SVIL: variants seen among roughly 807,000 people sequenced by gnomAD.
SVIL encodes supervillin.
A neutral mutation model predicts 240.4 loss-of-function variants in SVIL; 101 were observed. The observed-to-expected ratio is 0.42, with a 90% CI of 0.36 to 0.50. SVIL has a LOEUF of 0.50. SVIL is among the 20% of genes least tolerant of loss of function. The probability of loss-of-function intolerance (pLI) is 0.01; values close to 1 mark genes in which losing one functional copy is unlikely to be tolerated. For missense variants in SVIL, 2,512 were observed against 2,818.7 expected, an observed-to-expected ratio of 0.89 and a Z score of 2.46; for synonymous variants, 999 against 1,100.0, an observed-to-expected ratio of 0.91 and a Z score of 1.82.
chr10:29,592,736 G>A (rs1956437720), intron 1 of SVIL, among the ~76,000 whole-genome samples: 1 of 152,182 alleles, frequency 6.6e-6, no homozygotes, highest in South Asian at 2.1e-4. Context: ...GGTAAAAGAA[G>A]CCTAGCTGAT....
chr10:29,706,549 T>C (rs998066269), intron 1 of SVIL, among the ~76,000 whole-genome samples: 6 of 152,224 alleles, frequency 3.9e-5, no homozygotes, highest in African/African-American at 1.4e-4. Flanking sequence ...ATTTTGGATA[T>C]TAGACCTCTG....
In SVIL at chr10:29,481,794, C is replaced by T. The variant is rs1946885244; in HGVS notation, c.4956-66G>A. On this transcript the variant is annotated intron_variant, in intron 27 of 37. Coordinates refer to ENST00000355867, the MANE Select transcript of SVIL (RefSeq NM_021738.3). ...GAACCAAGATGAAGCCAAGCTTAAA[C>T]AAAGGAATCTAAAACACATGCGGCT... is the stretch of plus-strand genomic sequence containing the variant. The T allele has an allele frequency of 5.2e-6, 8 of 1,551,926 alleles. No individual in the cohort carries two copies. The South Asian group carries it at 9.5e-5, about 18-fold the overall frequency.
chr10:29,492,404 C>T (rs1588965355), intron 21 of SVIL, among the ~76,000 whole-genome samples: 1 of 152,002 alleles, frequency 6.6e-6, no homozygotes. Context: ...AGAGTGAGGC[C>T]AGCCCAAAGG....
chr10:29,693,407 C>T (rs990459659), intron 1 of SVIL, among the ~76,000 whole-genome samples: 1 of 152,270 alleles, frequency 6.6e-6, no homozygotes, highest in African/African-American at 2.4e-5. Flanking sequence ...TTCACAGGCA[C>T]GCATACATAG....
At chr10:29,619,857 G>A (rs932284274) in intron 1 of SVIL, among the ~76,000 whole-genome samples, 9 of 152,054 alleles carry the variant, frequency 5.9e-5, no homozygotes, top group Non-Finnish European at 1.3e-4. Context: ...TTTTTAAAAA[G>A]ATTATTGCAA....
chr10:29,536,585 G>A (rs1373100252), intron 6 of SVIL, among the ~76,000 whole-genome samples: 2 of 152,152 alleles, frequency 1.3e-5, no homozygotes, highest in African/African-American at 4.8e-5. Flanking sequence ...ATCAAATCAT[G>A]TGTTTTCCCA....
rs753357434 is a variant in SVIL, at chr10:29,499,099, GAC to G, written c.3664+15_3664+16del. ...GCATTGTGCACACACCACACACATG[GAC>G]ACACACACACTGACCTTTCTTCACC... On this transcript the variant is annotated intron_variant, in intron 18 of 37. Transcript: ENST00000355867. 14 of 1,587,462 alleles carry G rather than the reference GAC, an allele frequency of 8.8e-6. No individual in the cohort carries two copies. The highest frequency in any genetic ancestry group is 7.3e-5 in the African/African-American group (4 of 54,756).
chr10:29,622,229 G>A (rs1209326810), intron 1 of SVIL, among the ~76,000 whole-genome samples: 4 of 110,026 alleles, frequency 3.6e-5, no homozygotes, highest in East Asian at 6.2e-4. Context: ...CAGCCTGGGC[G>A]ACAGAGTGAG....
chr10:29,599,991 A>G (rs1286191848), intron 1 of SVIL, among the ~76,000 whole-genome samples: 3 of 152,016 alleles, frequency 2.0e-5, no homozygotes, highest in African/African-American at 7.2e-5. Flanking sequence ...TACATGTGGC[A>G]AAAGAGGTAC....
chr10:29,733,409 C>G (rs988902033), intron 1 of SVIL, among the ~76,000 whole-genome samples: 1 of 152,088 alleles, frequency 6.6e-6, no homozygotes, highest in African/African-American at 2.4e-5. Flanking sequence ...ACTGCAGGCT[C>G]GAACTCTTGG....
chr10:29,730,514 C>A (rs1030679229), intron 1 of SVIL, among the ~76,000 whole-genome samples: 1 of 152,182 alleles, frequency 6.6e-6, no homozygotes, highest in Non-Finnish European at 1.5e-5. Flanking sequence ...AAGAACCCAA[C>A]GGGGTTCTTG....
In SVIL at chr10:29,510,916, C is replaced by T. The variant is rs983182907; in HGVS notation, c.3516+1819G>A. Among the ~76,000 whole-genome samples, 5 of 114,168 alleles carry T rather than the reference C, an allele frequency of 4.4e-5. 2 individuals carry two copies. Among genetic ancestry groups the T allele is most frequent in the Admixed American group, 3.4e-4 (4 of 11,636 alleles). The allele number at this position is 114,168 out of a possible 152,430, so 74.9% of individuals were successfully genotyped here. A position where few individuals can be genotyped will look rare whatever the true frequency, so the allele number is the denominator to read the frequency against. ...AGGCTGTCTGAGAAACACCTGACCT[C>T]AACAGAACCTGAGATTGCCCAGTGT... On this transcript the variant is annotated intron_variant, in intron 17 of 37. Transcript: ENST00000355867.
At chr10:29,545,172 T>TA in intron 6 of SVIL, 1 of 507,826 alleles carries the variant, frequency 2.0e-6, no homozygotes. Flanking sequence ...AGACGGTTTT[T>TA]AGACTAAAAT....
intron 1 of SVIL, among the ~76,000 whole-genome samples, chr10:29,587,933 A>G (rs1426196103): frequency 2.6e-5 from 4 of 152,168 alleles, no homozygotes; most frequent in South Asian, 2.1e-4. Flanking sequence ...AATATTCATT[A>G]TTTTTAATTC....
intron 3 of SVIL, among the ~76,000 whole-genome samples, chr10:29,646,213 C>T (rs909138539): frequency 7.2e-5 from 11 of 152,156 alleles, no homozygotes; most frequent in Non-Finnish European, 1.6e-4. Context: ...TCACAGACAC[C>T]CCCCTGCCCT....
chr10:29,500,019 G>A (rs1589000554), intron 17 of SVIL, among the ~76,000 whole-genome samples: 1 of 152,146 alleles, frequency 6.6e-6, no homozygotes, highest in Non-Finnish European at 1.5e-5. Flanking sequence ...TTAGGCTTGC[G>A]GTTGGGGATG....
At position 29,546,290 on chromosome 10, in the gene SVIL, G is replaced by A. The variant is rs1358375225; in HGVS notation, c.827+4307C>T. 2.0e-5 allele frequency among the ~76,000 whole-genome samples: 3 copies of A among 152,148 alleles called. No individual in the cohort carries two copies. The East Asian group carries it at 5.8e-4, about 29-fold the overall frequency. ...CCATTTCTGAAATTTCAAGTTTACA[G>A]GTTTGTAACAGTTAGAGAGGTGGGG... On this transcript the variant is annotated intron_variant, in intron 6 of 37. Coordinates refer to ENST00000355867, the MANE Select transcript of SVIL (RefSeq NM_021738.3).
At chr10:29,700,146 G>GCA (rs1564775521) in intron 1 of SVIL, among the ~76,000 whole-genome samples, 4 of 151,716 alleles carry the variant, frequency 2.6e-5, no homozygotes, top group Admixed American at 1.3e-4. Context: ...ACGCTTTGCT[G>GCA]AGACAGAAGC....
rs781497001 is a variant in SVIL at position 29,554,887 on chromosome 10, T to C, written c.56A>G (p.Gln19Arg). The change falls in exon 5 of 38, where the codon CAG becomes CGG. Residue 19 changes from glutamine (Q) to arginine (R), a missense_variant. Coordinates refer to ENST00000355867, the MANE Select transcript of SVIL (RefSeq NM_021738.3). ...RRLEGIENDT[Q>R]PILLQSCTGL... ...TGTGCAGCTCTGCAAGAGGATGGGC[T>C]GAGTGTCATTTTCAATCCCTTCCAG... 9.0e-5 allele frequency: 145 copies of C among 1,613,594 alleles called. No homozygotes were observed. The highest frequency in any genetic ancestry group is 1.1e-4 in the Non-Finnish European group (129 of 1,179,838).
Sources: gnomAD v4.1 joint callset for allele counts (sites outside exome capture counted in the v4.1 genomes callset) on GRCh38, gnomAD v4.1.1 for gene constraint, MANE v1.5 for transcripts, NCBI Gene and HGNC (gene_info 2026-07-23, HGNC 2026-07-21) for gene names.